The following PDGFRA variants were observed in gnomAD, a reference collection of about 807,000 sequenced individuals.
The protein encoded by PDGFRA is platelet derived growth factor receptor alpha.
Under a neutral mutation model 121.5 loss-of-function variants are expected in PDGFRA, and 25 were observed. That is an observed-to-expected ratio of 0.21 (90% CI 0.15 to 0.29). The LOEUF (loss-of-function observed/expected upper bound fraction) is 0.29, where lower values mean the gene tolerates loss of function less well. PDGFRA is among the 10% of genes least tolerant of loss of function. PDGFRA has a pLI of 1.00. For synonymous variants in PDGFRA, 463 were observed against 494.8 expected (o/e 0.94, Z 0.85); for missense variants, 1,008 against 1,345.1 (o/e 0.75, Z 3.92).
chr4:54,290,953 C>A (rs1240775391), intron 22 of PDGFRA, among the ~76,000 whole-genome samples: 1 of 152,086 alleles, frequency 6.6e-6, no homozygotes, highest in Non-Finnish European at 1.5e-5. Context: ...GACGCTATAC[C>A]CTACCTGTGA....
intron 13 of PDGFRA, 93 bp from the exon 14 acceptor site, chr4:54,277,802 TC>T (rs1339012726): frequency 1.2e-6 from 1 of 817,038 alleles, no homozygotes; most frequent in Non-Finnish European, 2.1e-6. Context: ...TAGAATGATA[TC>T]CAATCACAGG....
intron 1 of PDGFRA, among the ~76,000 whole-genome samples, chr4:54,247,315 C>T (rs1297152928): frequency 6.6e-6 from 1 of 152,120 alleles, no homozygotes; most frequent in Non-Finnish European, 1.5e-5. Context: ...ATGCAAAAAT[C>T]CTCAATAAAA....
chr4:54,294,729 A>T (rs1312321795), intron 22 of PDGFRA, among the ~76,000 whole-genome samples: 1 of 152,164 alleles, frequency 6.6e-6, no homozygotes, highest in Non-Finnish European at 1.5e-5. Flanking sequence ...GATGCTCAGG[A>T]GGCTTCCGGG....
rs2110363017 is a variant in PDGFRA, at chr4:54,297,302, A to C, written c.*2030A>C. ...TGATGCTTTGGAAGATGCAGAAGCAATAATAAAGTACTTGACTACCTACTG... is the reference window on the plus strand; with the variant it reads ...TGATGCTTTGGAAGATGCAGAAGCACTAATAAAGTACTTGACTACCTACTG... On this transcript the variant is annotated 3_prime_UTR_variant, in exon 23 of 23. Coordinates refer to ENST00000257290, the MANE Select transcript of PDGFRA (RefSeq NM_006206.6). 1 of 233,736 alleles carries C rather than the reference A, an allele frequency of 4.3e-6. No individual in the cohort carries two copies. The highest frequency in any genetic ancestry group is 5.6e-5 in the Admixed American group (1 of 17,802). The allele number at this position is 233,736 out of a possible 1,614,324, so 14.5% of individuals were successfully genotyped here.
At chr4:54,284,418 GA>G (rs1463701689) in intron 16 of PDGFRA, among the ~76,000 whole-genome samples, 1 of 152,100 alleles carries the variant, frequency 6.6e-6, no homozygotes, top group Non-Finnish European at 1.5e-5. Context: ...AATTTATAAA[GA>G]AAAGAGGTTT....
intron 2 of PDGFRA, 98 bp from the exon 3 acceptor site, chr4:54,260,997 C>T: frequency 4.6e-6 from 5 of 1,079,888 alleles, no homozygotes; most frequent in Non-Finnish European, 7.0e-6. Flanking sequence ...TAGAAATGGT[C>T]ATTGTTCATC....
chr4:54,251,025 A>G lies in PDGFRA; in HGVS notation c.-12-7732A>G, dbSNP rs919357873. 2.7e-5 allele frequency among the ~76,000 whole-genome samples: 4 copies of G among 148,924 alleles called. No individual in the cohort carries two copies. The East Asian group carries it at 8.2e-4, about 31-fold the overall frequency. On this transcript the variant is annotated intron_variant, in intron 1 of 22. Coordinates refer to ENST00000257290, the MANE Select transcript of PDGFRA (RefSeq NM_006206.6). Reference sequence around the variant, plus strand: ...GGTTGCAGTGAGCTGAGATCGCACCATTGCATTCCAGCCTGGGCAACAAGA... The same window carrying G: ...GGTTGCAGTGAGCTGAGATCGCACCGTTGCATTCCAGCCTGGGCAACAAGA...
At chr4:54,260,857 T>C (rs1722660045) in intron 2 of PDGFRA, among the ~76,000 whole-genome samples, 1 of 152,120 alleles carries the variant, frequency 6.6e-6, no homozygotes, top group African/African-American at 2.4e-5. Flanking sequence ...CTCTGTCTAT[T>C]TGAGTGTTTG....
At chr4:54,293,906 C>CG (rs1724751990) in intron 22 of PDGFRA, among the ~76,000 whole-genome samples, 24 of 33,168 alleles carry the variant, frequency 7.2e-4, no homozygotes, top group Non-Finnish European at 1.2e-3. Flanking sequence ...GTCCAAGTTG[C>CG]TTGTGTGTGT....
chr4:54,238,386 A>T (rs927891635), intron 1 of PDGFRA, among the ~76,000 whole-genome samples: 8 of 151,536 alleles, frequency 5.3e-5, no homozygotes, highest in African/African-American at 1.9e-4. Flanking sequence ...TTTCTCTCTC[A>T]CTCTTTCTTT....
intron 1 of PDGFRA, among the ~76,000 whole-genome samples, chr4:54,236,354 G>A (rs999389504): frequency 7.2e-5 from 11 of 152,170 alleles, no homozygotes; most frequent in African/African-American, 2.7e-4. Flanking sequence ...AAAGTGGCAG[G>A]AACAGCAAGA....
intron 7 of PDGFRA, among the ~76,000 whole-genome samples, chr4:54,269,603 G>T (rs1027032240): frequency 6.7e-6 from 1 of 150,046 alleles, no homozygotes; most frequent in Non-Finnish European, 1.5e-5. Context: ...AGTTTGAAGA[G>T]ACATATATTT....
chr4:54,249,974 G>T (rs890380092), intron 1 of PDGFRA, among the ~76,000 whole-genome samples: 3 of 152,120 alleles, frequency 2.0e-5, no homozygotes, highest in South Asian at 4.1e-4. Context: ...AACTGGTTAA[G>T]ATTGGGAAGA....
chr4:54,245,737 C>T (rs1370078501), intron 1 of PDGFRA, among the ~76,000 whole-genome samples: 1 of 152,170 alleles, frequency 6.6e-6, no homozygotes, highest in Admixed American at 6.5e-5. Flanking sequence ...TGTAAATGGA[C>T]TAAATGCTTC....
At chr4:54,242,959 C>A (rs1043387654) in intron 1 of PDGFRA, among the ~76,000 whole-genome samples, 4 of 152,106 alleles carry the variant, frequency 2.6e-5, no homozygotes, top group Admixed American at 2.6e-4. Flanking sequence ...TATGAGGGAA[C>A]CTTTAGCATT....
chr4:54,293,239 T>C (rs923340019), intron 22 of PDGFRA, among the ~76,000 whole-genome samples: 2 of 146,302 alleles, frequency 1.4e-5, no homozygotes, highest in Non-Finnish European at 3.0e-5. Context: ...AGTGTCCTTC[T>C]CAGGTGCTTC....
At chr4:54,278,339 C>T (rs1377268933) in intron 14 of PDGFRA, 23 bp from the exon 15 acceptor site, 1 of 1,603,870 alleles carries the variant, frequency 6.2e-7, no homozygotes, top group Middle Eastern at 1.7e-4. Context: ...ATACCCATCT[C>T]CTAACGGCTT....
chr4:54,290,658 A>G, intron 22 of PDGFRA, 104 bp downstream of exon 22: 1 of 1,323,706 alleles, frequency 7.6e-7, no homozygotes, highest in South Asian at 1.2e-5. Context: ...GTTGGTAAAT[A>G]TGTACTCAGG....
intron 22 of PDGFRA, among the ~76,000 whole-genome samples, chr4:54,292,328 C>T (rs747559311): frequency 4.2e-4 from 64 of 152,156 alleles, no homozygotes; most frequent in Non-Finnish European, 7.1e-4. Context: ...CCATGGAATA[C>T]GATGCAGCCG....
Sources: allele counts gnomAD v4.1 joint callset (sites outside exome capture counted in the v4.1 genomes callset), GRCh38; gene constraint gnomAD v4.1.1; transcripts MANE v1.5; gene names NCBI Gene and HGNC (gene_info 2026-07-23, HGNC 2026-07-21).